TTC27: variants seen among roughly 807,000 people sequenced by gnomAD.
TTC27 encodes the protein tetratricopeptide repeat domain 27.
A neutral mutation model predicts 115.9 loss-of-function variants in TTC27; 79 were observed. That is an observed-to-expected ratio of 0.68 (90% CI 0.57 to 0.82). The LOEUF (loss-of-function observed/expected upper bound fraction) is 0.82, where lower values mean the gene tolerates loss of function less well. TTC27 is among the 40% of genes least tolerant of loss of function. The probability of loss-of-function intolerance (pLI) is 0.00; values close to 1 mark genes in which losing one functional copy is unlikely to be tolerated. For synonymous variants in TTC27, 401 were observed against 356.0 expected, an observed-to-expected ratio of 1.13 and a Z score of -1.42; for missense variants, 1,054 against 993.1, an observed-to-expected ratio of 1.06 and a Z score of -0.82.
At chr2:32,789,902 C>G in intron 16 of TTC27, among the ~76,000 whole-genome samples, 1 of 106,108 alleles carries the variant, frequency 9.4e-6, no homozygotes, top group Non-Finnish European at 1.7e-5. Context: ...GCCTGGATGA[C>G]AGAGCAAGAC....
chr2:32,795,775 C>T (rs1236911689), intron 16 of TTC27, among the ~76,000 whole-genome samples: 1 of 110,800 alleles, frequency 9.0e-6, no homozygotes, highest in Non-Finnish European at 2.0e-5. Context: ...GATGGGGTTT[C>T]ACTGTGTTGG....
chr2:32,672,187 C>A, intron 7 of TTC27, 85 bp from the exon 8 acceptor site: 3 of 936,460 alleles, frequency 3.2e-6, no homozygotes, highest in Admixed American at 2.0e-5. Flanking sequence ...TAACTTTATC[C>A]TTTCTAGCAA....
At chr2:32,643,516 C>T (rs1269182839) in intron 4 of TTC27, among the ~76,000 whole-genome samples, 1 of 151,820 alleles carries the variant, frequency 6.6e-6, no homozygotes, top group African/African-American at 2.4e-5. Context: ...CTATGTTGGC[C>T]AACTGGTCTC....
At chr2:32,761,499 C>A (rs1012175162) in intron 13 of TTC27, among the ~76,000 whole-genome samples, 3 of 152,168 alleles carry the variant, frequency 2.0e-5, no homozygotes, top group Non-Finnish European at 2.9e-5. Flanking sequence ...TCAAGACTTT[C>A]CCCAGTATCT....
At chr2:32,639,006 G>T (rs1464984467) in intron 3 of TTC27, among the ~76,000 whole-genome samples, 3 of 152,002 alleles carry the variant, frequency 2.0e-5, no homozygotes, top group African/African-American at 4.8e-5. Flanking sequence ...CTAATTTTTT[G>T]TAGTTTTAAT....
chr2:32,692,817 CA>C, intron 9 of TTC27, among the ~76,000 whole-genome samples: 1 of 151,442 alleles, frequency 6.6e-6, no homozygotes. Context: ...GCAAAAAATA[CA>C]AAAAAAAGTT....
intron 12 of TTC27, among the ~76,000 whole-genome samples, chr2:32,746,746 G>A (rs190046074): frequency 7.0e-4 from 107 of 152,128 alleles, no homozygotes; most frequent in African/African-American, 2.6e-3. Flanking sequence ...CACATCTTTT[G>A]TAGCTCATTA....
chr2:32,654,240 T>C (rs1665236898), intron 5 of TTC27, among the ~76,000 whole-genome samples: 1 of 152,200 alleles, frequency 6.6e-6, no homozygotes, highest in South Asian at 2.1e-4. Context: ...TAAGGCAGAA[T>C]TCTAGTAACT....
chr2:32,720,225 C>G (rs1392633541), intron 10 of TTC27, among the ~76,000 whole-genome samples: 1 of 152,146 alleles, frequency 6.6e-6, no homozygotes, highest in Non-Finnish European at 1.5e-5. Context: ...CTATTATGCT[C>G]TATTTGGAAA....
chr2:32,801,248 G>A (rs994443497), intron 16 of TTC27, among the ~76,000 whole-genome samples: 1 of 152,184 alleles, frequency 6.6e-6, no homozygotes, highest in Non-Finnish European at 1.5e-5. Flanking sequence ...CTGCCTTAAA[G>A]CAAAAGAAGT....
intron 19 of TTC27, among the ~76,000 whole-genome samples, chr2:32,820,131 C>T (rs1003276823): frequency 6.6e-6 from 1 of 152,218 alleles, no homozygotes; most frequent in Non-Finnish European, 1.5e-5. Flanking sequence ...AACATATACA[C>T]AGTCGCATGT....
intron 5 of TTC27, among the ~76,000 whole-genome samples, chr2:32,663,974 C>T (rs988798576): frequency 9.3e-5 from 14 of 150,242 alleles, no homozygotes; most frequent in East Asian, 5.8e-4. Context: ...TGAGCCACTG[C>T]GCCCGTCCCC....
chr2:32,729,016 C>T (rs1422678170), intron 10 of TTC27, among the ~76,000 whole-genome samples: 1 of 152,056 alleles, frequency 6.6e-6, no homozygotes, highest in African/African-American at 2.4e-5. Context: ...CACACACACA[C>T]ACACGTACAA....
At chr2:32,639,926 G>T (rs983858807) in intron 3 of TTC27, among the ~76,000 whole-genome samples, 2 of 152,294 alleles carry the variant, frequency 1.3e-5, no homozygotes, top group Non-Finnish European at 2.9e-5. Context: ...TTGAGCCCGG[G>T]AGATGGAAGT....
At chr2:32,628,474 C>T (rs2063528621) in intron 1 of TTC27, 94 bp downstream of exon 1, 2 of 1,239,220 alleles carry the variant, frequency 1.6e-6, no homozygotes, top group Non-Finnish European at 1.1e-6. Context: ...TTCATTTTTC[C>T]CTAACACAGT....
chr2:32,678,409 A>ATTTT (rs1666295210), intron 8 of TTC27, among the ~76,000 whole-genome samples: 2 of 151,578 alleles, frequency 1.3e-5, no homozygotes, highest in Admixed American at 1.3e-4. Context: ...TTATTTATTT[A>ATTTT]TTTATTTTTT....
chr2:32,642,936 C>G (rs575558907), intron 4 of TTC27, among the ~76,000 whole-genome samples: 1 of 151,912 alleles, frequency 6.6e-6, no homozygotes, highest in Non-Finnish European at 1.5e-5. Flanking sequence ...CCCTAAGTGC[C>G]GAGATTATAG....
chr2:32,679,856 G>A (rs1382958482), intron 9 of TTC27, among the ~76,000 whole-genome samples: 1 of 152,082 alleles, frequency 6.6e-6, no homozygotes, highest in East Asian at 1.9e-4. Flanking sequence ...CCTGGGCTTG[G>A]TGGTACATGT....
rs145793956 is a variant in TTC27 at position 32,763,983 on chromosome 2, G to A, written c.1680+5464G>A. Among the ~76,000 whole-genome samples, 3 of 152,146 alleles carry A rather than the reference G, an allele frequency of 2.0e-5. No homozygotes were observed. In the East Asian group the frequency reaches 5.8e-4, roughly 29 times the overall value. ...CTATTCTTAGGTAGTTATTATTCCT[G>A]TTAACACTCTACTTTTATGCAAAAA... On this transcript the variant is annotated intron_variant, in intron 13 of 19. Transcript: ENST00000317907.
Sources: gnomAD v4.1 joint callset for allele counts (sites outside exome capture counted in the v4.1 genomes callset) on GRCh38, gnomAD v4.1.1 for gene constraint, MANE v1.5 for transcripts, NCBI Gene and HGNC (gene_info 2026-07-23, HGNC 2026-07-21) for gene names.